The following NFXL1 variants were observed in gnomAD, a reference collection of about 807,000 sequenced individuals.
NFXL1 encodes the protein NF-X1-type zinc finger protein NFXL1.
A neutral mutation model predicts 123.3 loss-of-function variants in NFXL1; 66 were observed. The ratio of observed to expected loss-of-function variants is 0.54; its 90% CI spans 0.44 to 0.66. NFXL1 has a LOEUF of 0.66. Ranked by LOEUF, NFXL1 falls within the 30% of genes least tolerant of loss-of-function variation. The pLI is 0.00. For synonymous variants in NFXL1, 346 were observed against 360.8 expected, an observed-to-expected ratio of 0.96 and a Z score of 0.46; for missense variants, 944 against 1,125.6, an observed-to-expected ratio of 0.84 and a Z score of 2.31.
chr4:47,885,838 T>C, intron 13 of NFXL1, 41 bp downstream of exon 13: 1 of 1,582,290 alleles, frequency 6.3e-7, no homozygotes. Flanking sequence ...TTTAAATTTG[T>C]ACAACATCAG....
rs1057248389 is a variant in NFXL1 at position 47,878,785 on chromosome 4, C to T, written c.1939-120G>A. ...CAAGTTTCAGAAAGGTATAAGTTTG[C>T]ACGAATAATAATAATATCAAAATCA... On this transcript the variant is annotated intron_variant, in intron 16 of 22. Coordinates refer to ENST00000507489, the MANE Select transcript of NFXL1 (RefSeq NM_001278624.2). 1.1e-5 allele frequency: 7 copies of T among 664,024 alleles called. No homozygotes were observed. The African/African-American group carries it at 1.1e-4, about 11-fold the overall frequency. 41.1% of individuals were successfully genotyped at this position (664,024 alleles called of 1,614,324 possible). A position where few individuals can be genotyped will look rare whatever the true frequency, so the allele number is the denominator to read the frequency against.
At chr4:47,883,748 T>G (rs1383135642) in intron 15 of NFXL1, among the ~76,000 whole-genome samples, 1 of 152,234 alleles carries the variant, frequency 6.6e-6, no homozygotes, top group Non-Finnish European at 1.5e-5. Context: ...ATTTGGCACC[T>G]CAGTTGTAGA....
chr4:47,910,930 A>G lies in NFXL1; in HGVS notation c.300T>C (p.Leu100=). Residue 100 remains leucine (L), a synonymous_variant, in exon 3 of 23, where the codon CTT becomes CTC. Coordinates refer to ENST00000507489, the MANE Select transcript of NFXL1 (RefSeq NM_001278624.2). ...ATGAAGAGCTAAACTGTTCTTCAAC[A>G]AGTTTTCTGGCTGCAGCTTGGTTAG... is the stretch of plus-strand genomic sequence containing the variant. ...KKANQAAARK[L]VEEQFSSSSE... 6.2e-7 allele frequency: 1 copy of G among 1,609,174 alleles called. No homozygotes were observed.
intron 5 of NFXL1, among the ~76,000 whole-genome samples, chr4:47,899,966 T>G (rs1737291709): frequency 6.6e-6 from 1 of 152,246 alleles, no homozygotes; most frequent in African/African-American, 2.4e-5. Context: ...ATTAGTTTTC[T>G]ACTAACCACC....
chr4:47,906,316 C>T (rs1285931447), intron 3 of NFXL1, among the ~76,000 whole-genome samples: 2 of 152,006 alleles, frequency 1.3e-5, no homozygotes, highest in African/African-American at 4.8e-5. Context: ...CGTAAACTAC[C>T]ATAAGTACAG....
At chr4:47,889,041 GTATGAT>G (rs1235671015) in intron 12 of NFXL1, among the ~76,000 whole-genome samples, 1 of 152,176 alleles carries the variant, frequency 6.6e-6, no homozygotes, top group Non-Finnish European at 1.5e-5. Context: ...TCTCCAGTAA[GTATGAT>G]ATTTGCTCTA....
intron 3 of NFXL1, among the ~76,000 whole-genome samples, chr4:47,906,756 A>C (rs1175606296): frequency 6.6e-6 from 1 of 152,230 alleles, no homozygotes; most frequent in South Asian, 2.1e-4. Context: ...AACCAACCTT[A>C]TATTTTAAAA....
intron 12 of NFXL1, 43 bp downstream of exon 12, chr4:47,890,570 A>G: frequency 9.4e-7 from 1 of 1,060,396 alleles, no homozygotes; most frequent in Non-Finnish European, 1.4e-6. Context: ...AAAAACCACT[A>G]CATCACTACA....
At chr4:47,879,415 TGAAA>T (rs1348753972) in intron 15 of NFXL1, among the ~76,000 whole-genome samples, 1 of 152,066 alleles carries the variant, frequency 6.6e-6, no homozygotes, top group African/African-American at 2.4e-5. Flanking sequence ...AAAATACTGA[TGAAA>T]GAAATCAAAG....
intron 3 of NFXL1, among the ~76,000 whole-genome samples, chr4:47,907,201 T>C (rs899447994): frequency 1.3e-5 from 2 of 152,176 alleles, no homozygotes; most frequent in African/African-American, 2.4e-5. Flanking sequence ...GTGTCTGTTT[T>C]AAAAGCTGAT....
chr4:47,867,877 G>A (rs1735193510), intron 18 of NFXL1, among the ~76,000 whole-genome samples: 2 of 152,174 alleles, frequency 1.3e-5, no homozygotes, highest in Admixed American at 1.3e-4. Flanking sequence ...ACATGCAAGG[G>A]AATGTTTAAG....
chr4:47,880,945 T>C (rs552132908), intron 15 of NFXL1, among the ~76,000 whole-genome samples: 1 of 150,788 alleles, frequency 6.6e-6, no homozygotes, highest in Non-Finnish European at 1.5e-5. Flanking sequence ...AGTTACAGGA[T>C]GGAAAAGGTA....
intron 13 of NFXL1, 69 bp downstream of exon 13, chr4:47,885,810 A>G: frequency 6.5e-7 from 1 of 1,542,748 alleles, no homozygotes; most frequent in Non-Finnish European, 8.8e-7. Context: ...AAATTAAATT[A>G]TTAAAAGCCA....
intron 17 of NFXL1, among the ~76,000 whole-genome samples, chr4:47,877,891 C>G (rs187720579): frequency 3.3e-5 from 5 of 152,070 alleles, no homozygotes; most frequent in African/African-American, 1.2e-4. Context: ...CCCTACAGAA[C>G]GGAAGTCTAG....
intron 5 of NFXL1, among the ~76,000 whole-genome samples, chr4:47,901,682 T>A (rs1737361663): frequency 6.6e-6 from 1 of 152,130 alleles, no homozygotes; most frequent in Admixed American, 6.5e-5. Flanking sequence ...GGTGGAAGAA[T>A]AGAAAAAGCA....
intron 12 of NFXL1, among the ~76,000 whole-genome samples, chr4:47,887,224 T>C (rs987394132): frequency 3.3e-5 from 5 of 152,084 alleles, no homozygotes; most frequent in Non-Finnish European, 7.4e-5. Flanking sequence ...AATGAAATAA[T>C]AAAGGAAGAA....
At chr4:47,891,258 C>A (rs1736754940) in intron 11 of NFXL1, among the ~76,000 whole-genome samples, 1 of 151,944 alleles carries the variant, frequency 6.6e-6, no homozygotes, top group African/African-American at 2.4e-5. Flanking sequence ...TCTACATGCT[C>A]TCCCCACCAC....
At chr4:47,912,615 C>T in intron 2 of NFXL1, among the ~76,000 whole-genome samples, 1 of 149,984 alleles carries the variant, frequency 6.7e-6, no homozygotes, top group South Asian at 2.1e-4. Flanking sequence ...CCTGCCACCC[C>T]GCCCGGCTAA....
intron 19 of NFXL1, among the ~76,000 whole-genome samples, chr4:47,861,131 G>A (rs770293258): frequency 6.6e-6 from 1 of 151,232 alleles, no homozygotes; most frequent in African/African-American, 2.4e-5. Flanking sequence ...AAAGTGCTGG[G>A]ATTACAGGCA....
Sources: gnomAD v4.1 joint callset for allele counts (sites outside exome capture counted in the v4.1 genomes callset) on GRCh38, gnomAD v4.1.1 for gene constraint, MANE v1.5 for transcripts, NCBI Gene and HGNC (gene_info 2026-07-23, HGNC 2026-07-21) for gene names.